TYK2: variants seen among roughly 807,000 people sequenced by gnomAD.
TYK2 encodes non-receptor tyrosine-protein kinase TYK2.
TYK2 carries 65 observed loss-of-function variants against 130.9 expected under a neutral mutation model. That is an observed-to-expected ratio of 0.50 (90% CI 0.41 to 0.61). The LOEUF (loss-of-function observed/expected upper bound fraction) is 0.61, where lower values mean the gene tolerates loss of function less well. Ranked by LOEUF, TYK2 falls within the 20% of genes least tolerant of loss-of-function variation. TYK2 has a pLI of 0.00. For synonymous variants in TYK2, 647 were observed against 658.9 expected (o/e 0.98, Z 0.28); for missense variants, 1,378 against 1,610.7 (o/e 0.86, Z 2.47).
chr19:10,364,913 T>A lies in TYK2; in HGVS notation c.1147A>T (p.Ile383Phe), dbSNP rs745336770. ...LWAYFCDFRD[I>F]THVVLKEHCV... is the part of the protein sequence containing the mutation. ...TGCTCTTTCAGCACCACGTGGGTGATGTCCCGGAAGTCACAGAAGTAGGCC... is the reference window on the plus strand; with the variant it reads ...TGCTCTTTCAGCACCACGTGGGTGAAGTCCCGGAAGTCACAGAAGTAGGCC... The change falls in exon 8 of 25, where the codon ATC becomes TTC. Residue 383 changes from isoleucine to phenylalanine, a missense_variant. Coordinates refer to ENST00000525621, the MANE Select transcript of TYK2 (RefSeq NM_003331.5). This position sits in a 1 kb window ranked among gnomAD's most constrained non-coding sequence, Gnocchi z 4.9. 3 of 1,614,210 alleles carry A rather than the reference T, an allele frequency of 1.9e-6. No individual in the cohort carries two copies. The Admixed American group carries it at 5.0e-5, about 27-fold the overall frequency.
In TYK2 at chr19:10,353,261, G is replaced by A. The variant is rs1003906533; in HGVS notation, c.3028-163C>T. 2 of 624,468 alleles carry A rather than the reference G, an allele frequency of 3.2e-6. No homozygotes were observed. Among genetic ancestry groups the A allele is most frequent in the African/African-American group, 3.7e-5 (2 of 53,680 alleles). 38.7% of individuals were successfully genotyped at this position (624,468 alleles called of 1,614,324 possible). A position where few individuals can be genotyped will look rare whatever the true frequency, so the allele number is the denominator to read the frequency against. Reference sequence around the variant, plus strand: ...GGCACGTGGCACCAAGCAAAAGGAGGCTGAGCCAGAAAGCAGGGACGGGGC... The same window carrying A: ...GGCACGTGGCACCAAGCAAAAGGAGACTGAGCCAGAAAGCAGGGACGGGGC... On this transcript the variant is annotated intron_variant, in intron 21 of 24. Transcript: ENST00000525621. This position sits in a 1 kb window ranked among gnomAD's most constrained non-coding sequence, Gnocchi z 6.9.
At chr19:10,365,382 A>G in intron 7 of TYK2, 135 bp downstream of exon 7, 1 of 1,362,356 alleles carries the variant, frequency 7.3e-7, no homozygotes, top group Non-Finnish European at 1.0e-6. Flanking sequence ...AACTGGCCCT[A>G]GCGGACAGGT....
rs748217089 is a variant in TYK2 at position 10,350,972 on chromosome 19, G to A, written c.3430-4C>T. Reference sequence around the variant, plus strand: ...AGTTCTTCATGAGATGATAGACCTAGAAGGAAAAACCAGGGCTGGTGGGGG... The same window carrying A: ...AGTTCTTCATGAGATGATAGACCTAAAAGGAAAAACCAGGGCTGGTGGGGG... On this transcript the variant is annotated splice_region_variant and splice_polypyrimidine_tract_variant and intron_variant, in intron 24 of 24. Coordinates refer to ENST00000525621, the MANE Select transcript of TYK2 (RefSeq NM_003331.5). The A allele has an allele frequency of 1.2e-6, 2 of 1,614,204 alleles. No individual in the cohort carries two copies. Among genetic ancestry groups the A allele is most frequent in the Non-Finnish European group, 8.5e-7 (1 of 1,180,034 alleles).
At chr19:10,363,032 T>A (rs2041485824) in intron 9 of TYK2, among the ~76,000 whole-genome samples, 1 of 151,814 alleles carries the variant, frequency 6.6e-6, no homozygotes, top group African/African-American at 2.4e-5. Context: ...CCTGCCACCA[T>A]GCCCAGCTAA....
Position 10,357,695 on chromosome 19 carries a change from G to A in TYK2, c.2466+69C>T, listed in dbSNP as rs1307908498. 8 of 1,546,736 alleles carry A rather than the reference G, an allele frequency of 5.2e-6. No homozygotes were observed. The South Asian group carries it at 5.9e-5, about 11-fold the overall frequency. Reference sequence around the variant, plus strand: ...CAGAAGGGATGCAGCTTTGAGCTCTGATTCTGTCCTCTGGATTTCTTGGAG... The same window carrying A: ...CAGAAGGGATGCAGCTTTGAGCTCTAATTCTGTCCTCTGGATTTCTTGGAG... On this transcript the variant is annotated intron_variant, in intron 17 of 24. Transcript: ENST00000525621.
At chr19:10,374,584 CAAA>C (rs1278364077) in intron 3 of TYK2, among the ~76,000 whole-genome samples, 33 of 50,116 alleles carry the variant, frequency 6.6e-4, no homozygotes, top group African/African-American at 1.2e-3. Context: ...GACTCCGTCT[CAAA>C]AAAAAAAAAA....
At position 10,362,327 on chromosome 19, in the gene TYK2, A is replaced by C. The variant is rs1407896206; in HGVS notation, c.1606T>G (p.Cys536Gly). 4.3e-6 allele frequency: 7 copies of C among 1,614,046 alleles called. No homozygotes were observed. The highest frequency in any genetic ancestry group is 5.9e-6 in the Non-Finnish European group (7 of 1,180,022). The change falls in exon 11 of 25, where the codon TGC (cysteine) becomes GGC (glycine). Residue 536 changes from cysteine to glycine, a missense_variant. Coordinates refer to ENST00000525621, the MANE Select transcript of TYK2 (RefSeq NM_003331.5). ...CAGTCATCCCCGGCCCTCAGCAAGC[A>C]GCCCTGCAAGGCAGCCCCAAGTTCC... Reference protein sequence around the residue: ...VRELGAALQGCLLRAGDDCFS... With the variant: ...VRELGAALQGGLLRAGDDCFS...
intron 9 of TYK2, among the ~76,000 whole-genome samples, chr19:10,363,567 G>C (rs1213576239): frequency 6.6e-6 from 1 of 152,042 alleles, no homozygotes; most frequent in Non-Finnish European, 1.5e-5. Flanking sequence ...GAGCCGGATG[G>C]GCACACACCC....
chr19:10,353,979 A>G lies in TYK2; in HGVS notation c.2908+63T>C, dbSNP rs1271792756. 6 of 1,548,970 alleles carry G rather than the reference A, an allele frequency of 3.9e-6. No individual in the cohort carries two copies. The East Asian group carries it at 1.1e-4, about 29-fold the overall frequency. ...CTAGGCCAGACTGGCCCCGCCCACA[A>G]GGCCACACCCACGCTCTAACCACGC... On this transcript the variant is annotated intron_variant, in intron 20 of 24. Transcript: ENST00000525621. This position sits in a 1 kb window ranked among gnomAD's most constrained non-coding sequence, Gnocchi z 6.9.
At chr19:10,360,849 C>T in intron 14 of TYK2, 1 of 215,296 alleles carries the variant, frequency 4.6e-6, no homozygotes, top group Non-Finnish European at 9.6e-6. Context: ...AACTCCTGGG[C>T]TCAAGTGATC....
In TYK2 at chr19:10,361,055, A is replaced by G. The variant is rs1056636253; in HGVS notation, c.2047+456T>C. 1.5e-5 allele frequency: 7 copies of G among 456,626 alleles called. No individual in the cohort carries two copies. The highest frequency in any genetic ancestry group is 3.1e-5 in the Non-Finnish European group (7 of 229,178). 28.3% of individuals were successfully genotyped at this position (456,626 alleles called of 1,614,324 possible). A position where few individuals can be genotyped will look rare whatever the true frequency, so the allele number is the denominator to read the frequency against. On this transcript the variant is annotated intron_variant, in intron 14 of 24. Transcript: ENST00000525621. The surrounding 1 kb of genome is among the most constrained non-coding windows in gnomAD (Gnocchi z 4.0). ...GTGTGAGCCACCACACCTAGCCTAT[A>G]CAAGGAGTTTTGAGCTACCTGCAGA...
At chr19:10,366,318 AAAG>A in intron 6 of TYK2, 96 bp downstream of exon 6, 1 of 1,341,662 alleles carries the variant, frequency 7.5e-7, no homozygotes, top group Admixed American at 2.4e-5. Context: ...GAAAAAAAAA[AAAG>A]TAGAGGCACG....
At position 10,354,520 on chromosome 19, in the gene TYK2, G is replaced by T. The variant is rs1263817677; in HGVS notation, c.2707C>A (p.Leu903Met). Residue 903 changes from leucine (L) to methionine (M), a missense_variant, in exon 19 of 25, where the codon CTG (leucine) becomes ATG (methionine). By Grantham distance (15) the Leu-to-Met change is conservative. Coordinates refer to ENST00000525621, the MANE Select transcript of TYK2 (RefSeq NM_003331.5). ...HKRYLKKIRD[L>M]GEGHFGKVSL... is the part of the protein sequence containing the mutation. Reference sequence around the variant, plus strand: ...TCAGGCCCGTCCCTCACCTCGCCCAGATCTCGGATCTTTTTCAAATAGCGC... The same window carrying T: ...TCAGGCCCGTCCCTCACCTCGCCCATATCTCGGATCTTTTTCAAATAGCGC... 3 of 1,614,012 alleles carry T rather than the reference G, an allele frequency of 1.9e-6. No homozygotes were observed. The highest frequency in any genetic ancestry group is 2.2e-5 in the East Asian group (1 of 44,874).
At chr19:10,352,338 C>T (rs1005665314) in intron 23 of TYK2, 96 bp downstream of exon 23, 4 of 854,114 alleles carry the variant, frequency 4.7e-6, no homozygotes, top group Admixed American at 3.5e-5. Flanking sequence ...TCCCAAAGTG[C>T]TGGGATTACA....
rs59020787 is a variant in TYK2, at chr19:10,377,324, G to GTGGATGGATGGA, written c.193+878_193+889dup. 7.1e-3 allele frequency among the ~76,000 whole-genome samples: 957 copies of GTGGATGGATGGA among 135,560 alleles called. 10 individuals are homozygous for GTGGATGGATGGA. The highest frequency in any genetic ancestry group is 0.027 in the Middle Eastern group (7 of 258). 88.9% of individuals were successfully genotyped at this position (135,560 alleles called of 152,430 possible). A position where few individuals can be genotyped will look rare whatever the true frequency, so the allele number is the denominator to read the frequency against. On this transcript the variant is annotated intron_variant, in intron 3 of 24. Coordinates refer to ENST00000525621, the MANE Select transcript of TYK2 (RefSeq NM_003331.5). ...TACAAAATGTTCACCGAATGAACGG[G>GTGGATGGATGGA]TGGATGGATGGATGGATGGATGGAT...
intron 3 of TYK2, 75 bp from the exon 4 acceptor site, chr19:10,368,493 T>C (rs1310795519): frequency 1.9e-6 from 3 of 1,606,682 alleles, no homozygotes; most frequent in Admixed American, 1.7e-5. Flanking sequence ...CCAGACCCAA[T>C]GTCTGCCTTC....
At chr19:10,374,817 A>T (rs2042054907) in intron 3 of TYK2, among the ~76,000 whole-genome samples, 1 of 151,240 alleles carries the variant, frequency 6.6e-6, no homozygotes, top group African/African-American at 2.4e-5. Flanking sequence ...CGGGAGGCGG[A>T]GGTTGCAGTG....
chr19:10,352,632 G>A lies in TYK2; in HGVS notation c.3201-81C>T, dbSNP rs149329233. The A allele has an allele frequency of 9.0e-3, 7,041 of 786,584 alleles. 56 individuals carry two copies. Among genetic ancestry groups the A allele is most frequent in the Middle Eastern group, 0.018 (76 of 4,164 alleles). 48.7% of individuals were successfully genotyped at this position (786,584 alleles called of 1,614,324 possible). On this transcript the variant is annotated intron_variant, in intron 22 of 24. Transcript: ENST00000525621. ...AGACCAGGCTGAAGCCCTCACCTGAGACTGAAGGACCCTCTGGGCTCAGTT... is the reference window on the plus strand; with the variant it reads ...AGACCAGGCTGAAGCCCTCACCTGAAACTGAAGGACCCTCTGGGCTCAGTT...
intron 7 of TYK2, 85 bp from the exon 8 acceptor site, chr19:10,365,133 G>T: frequency 7.0e-7 from 1 of 1,418,576 alleles, no homozygotes; most frequent in East Asian, 2.5e-5. Flanking sequence ...AGAGACTGGA[G>T]CCAGAAGGGC....
Sources: allele counts gnomAD v4.1 joint callset (sites outside exome capture counted in the v4.1 genomes callset), GRCh38; gene constraint gnomAD v4.1.1; non-coding constraint Gnocchi (gnomAD v3.1); transcripts MANE v1.5; gene names NCBI Gene and HGNC (gene_info 2026-07-23, HGNC 2026-07-21).